The following TMEM163 variants were observed in gnomAD, a reference collection of about 807,000 sequenced individuals.
TMEM163 encodes the protein transmembrane protein 163.
A neutral mutation model predicts 29.3 loss-of-function variants in TMEM163; 17 were observed. That is an observed-to-expected ratio of 0.58 (90% CI 0.40 to 0.87). The LOEUF is 0.87. Ranked by LOEUF, TMEM163 falls within the 40% of genes least tolerant of loss-of-function variation. The pLI is 0.00. For missense variants in TMEM163, 303 were observed against 381.5 expected (o/e 0.79, Z 1.71); for synonymous variants, 157 against 160.6 (o/e 0.98, Z 0.17).
At chr2:134,510,588 A>G (rs564117697) in intron 4 of TMEM163, among the ~76,000 whole-genome samples, 1 of 152,322 alleles carries the variant, frequency 6.6e-6, no homozygotes, top group South Asian at 2.1e-4. Flanking sequence ...AGAAGATCGA[A>G]CTGGCAGAAC....
At chr2:134,655,969 C>T (rs377036006) in intron 2 of TMEM163, among the ~76,000 whole-genome samples, 2 of 145,262 alleles carry the variant, frequency 1.4e-5, no homozygotes, top group Non-Finnish European at 3.0e-5. Flanking sequence ...GACAGGGACA[C>T]TTAAGTCTGC....
intron 2 of TMEM163, among the ~76,000 whole-genome samples, chr2:134,700,611 G>A (rs1156607871): frequency 1.3e-5 from 2 of 152,096 alleles, no homozygotes; most frequent in African/African-American, 4.8e-5. Context: ...TTAAAAAGAT[G>A]AATCCAGCCA....
chr2:134,572,172 T>TC (rs1681445148), intron 2 of TMEM163, among the ~76,000 whole-genome samples: 1 of 152,012 alleles, frequency 6.6e-6, no homozygotes, highest in South Asian at 2.1e-4. Context: ...TTGCACAAAA[T>TC]CACACAGCAA....
In TMEM163 at chr2:134,515,258, G is replaced by A. The variant is rs572421433; in HGVS notation, c.459-12261C>T. On this transcript the variant is annotated intron_variant, in intron 4 of 7. Coordinates refer to ENST00000281924, the MANE Select transcript of TMEM163 (RefSeq NM_030923.5). ...TAATCTTACTGAATCAAAAAGACAA[G>A]AATGGAAGCCCCCCGTGGTCTCTGA... Among the ~76,000 whole-genome samples the A allele has an allele frequency of 2.0e-5, 3 of 152,216 alleles. No individual in the cohort carries two copies. In the South Asian group the frequency reaches 6.2e-4, roughly 32 times the overall value.
At chr2:134,642,301 G>C (rs932523856) in intron 2 of TMEM163, among the ~76,000 whole-genome samples, 3 of 151,930 alleles carry the variant, frequency 2.0e-5, no homozygotes, top group Non-Finnish European at 2.9e-5. Context: ...GCAAATTTTT[G>C]TATTTTTTAG....
chr2:134,563,685 A>G (rs1186017818), intron 2 of TMEM163, among the ~76,000 whole-genome samples: 3 of 152,218 alleles, frequency 2.0e-5, no homozygotes, highest in South Asian at 2.1e-4. Flanking sequence ...ACTGTGGCCA[A>G]TTAAAATCCT....
chr2:134,520,241 C>G (rs1680164694), intron 4 of TMEM163, among the ~76,000 whole-genome samples: 1 of 152,208 alleles, frequency 6.6e-6, no homozygotes, highest in East Asian at 1.9e-4. Context: ...TCATTAATGG[C>G]ATAGACACCT....
At chr2:134,569,145 A>C (rs190068447) in intron 2 of TMEM163, among the ~76,000 whole-genome samples, 4 of 152,354 alleles carry the variant, frequency 2.6e-5, no homozygotes, top group Admixed American at 2.6e-4. Flanking sequence ...ATGCTTCAAA[A>C]GAAAATAAAA....
At chr2:134,634,933 T>C (rs1683071171) in intron 2 of TMEM163, among the ~76,000 whole-genome samples, 1 of 152,178 alleles carries the variant, frequency 6.6e-6, no homozygotes, top group Non-Finnish European at 1.5e-5. Flanking sequence ...GAGAAAAGGA[T>C]AAAAGAGAGA....
intron 4 of TMEM163, among the ~76,000 whole-genome samples, chr2:134,525,379 G>A (rs1680272309): frequency 6.6e-6 from 1 of 152,168 alleles, no homozygotes; most frequent in Non-Finnish European, 1.5e-5. Flanking sequence ...TAAATGATAA[G>A]ACTTAGCTTC....
intron 2 of TMEM163, among the ~76,000 whole-genome samples, chr2:134,689,579 G>A (rs1162875354): frequency 6.6e-6 from 1 of 152,170 alleles, no homozygotes; most frequent in Non-Finnish European, 1.5e-5. Flanking sequence ...GAACTCAGAG[G>A]TCCAGAAACT....
intron 4 of TMEM163, among the ~76,000 whole-genome samples, chr2:134,526,309 A>G (rs747113372): frequency 1.3e-5 from 2 of 152,212 alleles, no homozygotes; most frequent in Non-Finnish European, 1.5e-5. Flanking sequence ...ACAACCACCC[A>G]AGGTTAAGTA....
intron 2 of TMEM163, among the ~76,000 whole-genome samples, chr2:134,572,998 C>T (rs933375674): frequency 1.3e-5 from 2 of 152,178 alleles, no homozygotes; most frequent in African/African-American, 4.8e-5. Flanking sequence ...CATCTTGCCC[C>T]ACAACCAAAG....
intron 4 of TMEM163, among the ~76,000 whole-genome samples, chr2:134,536,649 G>A (rs1680546507): frequency 6.6e-6 from 1 of 152,152 alleles, no homozygotes; most frequent in African/African-American, 2.4e-5. Flanking sequence ...TATCTCATAG[G>A]ATTGTTCTAA....
chr2:134,563,063 TCCAGCATCCA>T (rs1333487989), intron 2 of TMEM163, among the ~76,000 whole-genome samples: 1 of 152,178 alleles, frequency 6.6e-6, no homozygotes, highest in Non-Finnish European at 1.5e-5. Context: ...GGAGCTGAGC[TCCAGCATCCA>T]CCCCTGGACC....
At position 134,696,067 on chromosome 2, in the gene TMEM163, AAG is replaced by A. The variant is rs747911250; in HGVS notation, c.322+17131_322+17132del. Among the ~76,000 whole-genome samples, 883 of 98,532 alleles carry A rather than the reference AAG, an allele frequency of 9.0e-3. 10 individuals are homozygous for A. The highest frequency in any genetic ancestry group is 0.039 in the African/African-American group (793 of 20,482). The allele number at this position is 98,532 out of a possible 152,430, so 64.6% of individuals were successfully genotyped here. On this transcript the variant is annotated intron_variant, in intron 2 of 7. Transcript: ENST00000281924. ...ACACCGTCTCAAAAAAAAAAAAAAA[AAG>A]GTTTAAATTCTTTCTTTTCAGGTTT...
At chr2:134,638,532 A>G (rs952635513) in intron 2 of TMEM163, among the ~76,000 whole-genome samples, 9 of 152,196 alleles carry the variant, frequency 5.9e-5, no homozygotes, top group Non-Finnish European at 1.2e-4. Flanking sequence ...TGATGGAGAA[A>G]GACCATTTAG....
At chr2:134,678,012 A>G (rs1684152897) in intron 2 of TMEM163, among the ~76,000 whole-genome samples, 1 of 152,234 alleles carries the variant, frequency 6.6e-6, no homozygotes, top group Non-Finnish European at 1.5e-5. Flanking sequence ...CGTGCCAGCA[A>G]TGCCCAACAC....
chr2:134,675,686 A>T (rs770187312), intron 2 of TMEM163, among the ~76,000 whole-genome samples: 4 of 152,230 alleles, frequency 2.6e-5, no homozygotes, highest in South Asian at 4.1e-4. Flanking sequence ...GCTTAGCTTC[A>T]CAAGTTACTG....
Sources: gnomAD v4.1 joint callset for allele counts (sites outside exome capture counted in the v4.1 genomes callset) on GRCh38, gnomAD v4.1.1 for gene constraint, MANE v1.5 for transcripts, NCBI Gene and HGNC (gene_info 2026-07-23, HGNC 2026-07-21) for gene names.